PITPNC1: variants seen among roughly 807,000 people sequenced by gnomAD.
PITPNC1 encodes cytoplasmic phosphatidylinositol transfer protein 1.
PITPNC1 carries 18 observed loss-of-function variants against 44.7 expected under a neutral mutation model. The ratio of observed to expected loss-of-function variants is 0.40; its 90% CI spans 0.28 to 0.60. The LOEUF is 0.60. PITPNC1 is among the 20% of genes least tolerant of loss of function. PITPNC1 has a pLI of 0.39. For missense variants in PITPNC1, 290 were observed against 418.4 expected, an observed-to-expected ratio of 0.69 and a Z score of 2.68; for synonymous variants, 141 against 149.6, an observed-to-expected ratio of 0.94 and a Z score of 0.42.
Position 67,505,916 on chromosome 17 carries a change from C to T in PITPNC1, c.49-26886C>T, listed in dbSNP as rs144654772. On this transcript the variant is annotated intron_variant, in intron 1 of 8. Transcript: ENST00000581322. ...CGCAATTCTTTTGATGGTGTTTCTT[C>T]GTATTTTTGGCCTCCCCCTCTACCT... 1.3e-4 allele frequency among the ~76,000 whole-genome samples: 20 copies of T among 152,274 alleles called. No homozygotes were observed. The East Asian group carries it at 2.7e-3, about 21-fold the overall frequency.
At chr17:67,455,388 T>C (rs879612767) in intron 1 of PITPNC1, among the ~76,000 whole-genome samples, 1 of 152,290 alleles carries the variant, frequency 6.6e-6, no homozygotes, top group Non-Finnish European at 1.5e-5. Context: ...TTCCTTGGGA[T>C]AAATTACAAA....
intron 1 of PITPNC1, among the ~76,000 whole-genome samples, chr17:67,531,731 T>C (rs936024353): frequency 1.3e-5 from 2 of 152,150 alleles, no homozygotes; most frequent in African/African-American, 4.8e-5. Flanking sequence ...GAGTCCTCAT[T>C]AGTTTGTTGC....
At chr17:67,385,108 G>C (rs2038021698) in intron 1 of PITPNC1, among the ~76,000 whole-genome samples, 1 of 152,192 alleles carries the variant, frequency 6.6e-6, no homozygotes, top group African/African-American at 2.4e-5. Flanking sequence ...GGGAGGTGAA[G>C]CCAGTTGGAC....
intron 2 of PITPNC1, among the ~76,000 whole-genome samples, chr17:67,536,736 T>C (rs2144135404): frequency 6.6e-6 from 1 of 152,322 alleles, no homozygotes; most frequent in African/African-American, 2.4e-5. Context: ...TACTCACTTT[T>C]CTAGCCACCC....
intron 1 of PITPNC1, among the ~76,000 whole-genome samples, chr17:67,476,157 C>T (rs1169857266): frequency 6.6e-6 from 1 of 151,854 alleles, no homozygotes; most frequent in African/African-American, 2.4e-5. Flanking sequence ...GATGATGAAA[C>T]AGATTCCTAG....
chr17:67,623,808 T>C (rs2144317653), intron 5 of PITPNC1, among the ~76,000 whole-genome samples: 1 of 152,340 alleles, frequency 6.6e-6, no homozygotes, highest in Non-Finnish European at 1.5e-5. Flanking sequence ...AGCTGCAGAA[T>C]TCATGATTCC....
intron 1 of PITPNC1, among the ~76,000 whole-genome samples, chr17:67,458,190 C>A (rs990027438): frequency 6.6e-6 from 1 of 152,188 alleles, no homozygotes; most frequent in Non-Finnish European, 1.5e-5. Context: ...CTCCCTGCCT[C>A]CTCCTGCTTC....
intron 4 of PITPNC1, among the ~76,000 whole-genome samples, chr17:67,577,174 C>T (rs1254989969): frequency 2.6e-5 from 4 of 152,074 alleles, no homozygotes; most frequent in Non-Finnish European, 5.9e-5. Context: ...TAGCTGTAGT[C>T]CCAGCTACCT....
At chr17:67,581,591 G>A (rs538626444) in intron 5 of PITPNC1, among the ~76,000 whole-genome samples, 46 of 152,262 alleles carry the variant, frequency 3.0e-4, no homozygotes, top group African/African-American at 1.0e-3. Context: ...CCTGCTCCAC[G>A]GACCCCAGGT....
At chr17:67,438,491 T>C (rs191611042) in intron 1 of PITPNC1, among the ~76,000 whole-genome samples, 1 of 152,198 alleles carries the variant, frequency 6.6e-6, no homozygotes, top group Non-Finnish European at 1.5e-5. Context: ...AATTTTTGTA[T>C]TTTTAGTACA....
intron 1 of PITPNC1, among the ~76,000 whole-genome samples, chr17:67,380,980 C>T (rs1273407782): frequency 2.0e-5 from 3 of 152,026 alleles, no homozygotes; most frequent in Admixed American, 1.3e-4. Flanking sequence ...GCTGTGTTGC[C>T]CAGGCTGGTC....
chr17:67,447,503 T>C (rs2039115116), intron 1 of PITPNC1, among the ~76,000 whole-genome samples: 1 of 151,944 alleles, frequency 6.6e-6, no homozygotes, highest in African/African-American at 2.4e-5. Context: ...TATAGCTGAC[T>C]ACAGGCATGT....
chr17:67,496,233 G>A (rs895984113), intron 1 of PITPNC1, among the ~76,000 whole-genome samples: 12 of 152,160 alleles, frequency 7.9e-5, no homozygotes, highest in African/African-American at 2.4e-4. Flanking sequence ...GAATGCTTCC[G>A]TGATGGAAAC....
intron 1 of PITPNC1, among the ~76,000 whole-genome samples, chr17:67,396,908 T>A (rs2038228174): frequency 6.6e-6 from 1 of 151,818 alleles, no homozygotes; most frequent in Non-Finnish European, 1.5e-5. Context: ...TCCTGCCTCA[T>A]CCTCCCAAAG....
At chr17:67,463,936 G>A (rs2039384652) in intron 1 of PITPNC1, among the ~76,000 whole-genome samples, 1 of 152,018 alleles carries the variant, frequency 6.6e-6, no homozygotes, top group South Asian at 2.1e-4. Context: ...GCTCATGCCT[G>A]TAACCCCAGC....
chr17:67,611,475 GT>G (rs2041686409), intron 5 of PITPNC1: 1 of 152,206 alleles, frequency 6.6e-6, no homozygotes, highest in African/African-American at 2.4e-5. Context: ...TTGTTTTGTT[GT>G]TGTTTGAGAC....
chr17:67,512,680 C>T (rs12949350), intron 1 of PITPNC1, among the ~76,000 whole-genome samples: 16,345 of 151,938 alleles, frequency 0.11, 1,082 homozygotes, highest in African/African-American at 0.2. Flanking sequence ...TCACAAGGAC[C>T]GTATTATCCA....
chr17:67,423,047 G>T (rs1050747654), intron 1 of PITPNC1, among the ~76,000 whole-genome samples: 1 of 151,596 alleles, frequency 6.6e-6, no homozygotes, highest in Non-Finnish European at 1.5e-5. Context: ...TGTTTTAATT[G>T]CATTACGGCT....
chr17:67,646,593 G>A (rs1487648912), intron 6 of PITPNC1, among the ~76,000 whole-genome samples: 2 of 152,034 alleles, frequency 1.3e-5, no homozygotes, highest in African/African-American at 4.8e-5. Context: ...TGCAACCACG[G>A]CTCACCGCAA....
Sources: gnomAD v4.1 joint callset for allele counts (sites outside exome capture counted in the v4.1 genomes callset) on GRCh38, gnomAD v4.1.1 for gene constraint, MANE v1.5 for transcripts, NCBI Gene and HGNC (gene_info 2026-07-23, HGNC 2026-07-21) for gene names.